PPP1R13B: variants seen among roughly 807,000 people sequenced by gnomAD.
PPP1R13B encodes protein phosphatase 1 regulatory subunit 13B.
Under a neutral mutation model 119.8 loss-of-function variants are expected in PPP1R13B, and 44 were observed. The observed-to-expected ratio is 0.37, with a 90% CI of 0.29 to 0.47. The LOEUF is 0.47. Among genes scored for constraint, PPP1R13B ranks in the 20% least tolerant of loss-of-function variants. The pLI, the probability that PPP1R13B is intolerant of heterozygous loss-of-function variation, is 0.99. For synonymous variants in PPP1R13B, 542 were observed against 561.5 expected (o/e 0.97, Z 0.49); for missense variants, 1,227 against 1,413.5 (o/e 0.87, Z 2.12).
At chr14:103,741,679 G>A (rs2151965984) in intron 11 of PPP1R13B, 111 bp downstream of exon 11, 1 of 1,341,776 alleles carries the variant, frequency 7.5e-7, no homozygotes, top group Non-Finnish European at 1.0e-6. Flanking sequence ...TAAGAATTAA[G>A]TTTAATCCTA....
intron 1 of PPP1R13B, among the ~76,000 whole-genome samples, chr14:103,836,713 T>C (rs1386627465): frequency 6.8e-6 from 1 of 147,430 alleles, no homozygotes; most frequent in Non-Finnish European, 1.5e-5. Context: ...GAGGTTGCAG[T>C]GAGCCAAGAT....
chr14:103,753,791 G>C (rs2084607713), intron 6 of PPP1R13B, among the ~76,000 whole-genome samples: 1 of 152,024 alleles, frequency 6.6e-6, no homozygotes, highest in Non-Finnish European at 1.5e-5. Flanking sequence ...TGTCATTCAG[G>C]CTGGGGAGCA....
At chr14:103,739,593 G>C (rs765602409) in intron 12 of PPP1R13B, among the ~76,000 whole-genome samples, 40 of 152,212 alleles carry the variant, frequency 2.6e-4, no homozygotes, top group Non-Finnish European at 5.4e-4. Flanking sequence ...CTGACCAGCT[G>C]TCTGGGAAAG....
At chr14:103,749,104 G>T (rs904645560) in intron 8 of PPP1R13B, among the ~76,000 whole-genome samples, 1 of 152,164 alleles carries the variant, frequency 6.6e-6, no homozygotes, top group African/African-American at 2.4e-5. Context: ...GATTGTGGAC[G>T]CTGGCAAGTC....
chr14:103,761,099 C>G (rs950979979), intron 4 of PPP1R13B, among the ~76,000 whole-genome samples: 1 of 151,788 alleles, frequency 6.6e-6, no homozygotes, highest in African/African-American at 2.4e-5. Flanking sequence ...CACGGTGAAA[C>G]CTCATCACTA....
chr14:103,805,889 G>A (rs2086005889), intron 1 of PPP1R13B, among the ~76,000 whole-genome samples: 1 of 152,140 alleles, frequency 6.6e-6, no homozygotes, highest in Non-Finnish European at 1.5e-5. Flanking sequence ...AGGAGTGATG[G>A]CAAATAGGCA....
At chr14:103,791,718 T>A (rs2085626103) in intron 2 of PPP1R13B, among the ~76,000 whole-genome samples, 1 of 152,184 alleles carries the variant, frequency 6.6e-6, no homozygotes, top group African/African-American at 2.4e-5. Flanking sequence ...CAAGACTCCA[T>A]CTCAAAACAA....
rs1212221552 is a variant in PPP1R13B, at chr14:103,737,391, A to G, written c.3031+303T>C. ...ACCACCCTGGGCAACATGGCGAAAC[A>G]CTGTCTCTACAAAAAAAAAAAAAAA... On this transcript the variant is annotated intron_variant, in intron 15 of 16. Transcript: ENST00000202556. The G allele has an allele frequency of 2.7e-5, 7 of 256,926 alleles. No homozygotes were observed. The East Asian group carries it at 6.5e-4, about 24-fold the overall frequency. The allele number at this position is 256,926 out of a possible 1,614,324, so 15.9% of individuals were successfully genotyped here. A position where few individuals can be genotyped will look rare whatever the true frequency, so the allele number is the denominator to read the frequency against.
intron 1 of PPP1R13B, among the ~76,000 whole-genome samples, chr14:103,801,417 A>G (rs1265200300): frequency 1.3e-5 from 2 of 151,932 alleles, no homozygotes; most frequent in Non-Finnish European, 2.9e-5. Context: ...CAAGCACTAA[A>G]CCTCCCTCCA....
At chr14:103,836,340 C>G (rs2086777584) in intron 1 of PPP1R13B, among the ~76,000 whole-genome samples, 1 of 152,078 alleles carries the variant, frequency 6.6e-6, no homozygotes, top group Non-Finnish European at 1.5e-5. Flanking sequence ...ACCACCATGC[C>G]CAGCCCCTAA....
chr14:103,792,190 GTGTGTGTGTGTA>G lies in PPP1R13B; in HGVS notation c.157+5169_157+5180del, dbSNP rs983861422. ...TCATCGTGTGTGTGTGTGTGTGTGT[GTGTGTGTGTGTA>G]TATTTTTTTAAAGACAGGGTCGCAC... On this transcript the variant is annotated intron_variant, in intron 2 of 16. Transcript: ENST00000202556. Among the ~76,000 whole-genome samples the G allele has an allele frequency of 4.7e-4, 65 of 138,350 alleles. No individual in the cohort carries two copies. In the East Asian group the frequency reaches 5.1e-3, roughly 11 times the overall value. 90.8% of individuals were successfully genotyped at this position (138,350 alleles called of 152,430 possible).
At chr14:103,831,138 T>C (rs1354894647) in intron 1 of PPP1R13B, among the ~76,000 whole-genome samples, 1 of 151,734 alleles carries the variant, frequency 6.6e-6, no homozygotes, top group Non-Finnish European at 1.5e-5. Flanking sequence ...AGAGATGGGG[T>C]TTCACCACAT....
intron 4 of PPP1R13B, among the ~76,000 whole-genome samples, chr14:103,776,186 GAGGA>G (rs1307197386): frequency 0.086 from 6,522 of 75,910 alleles, 395 homozygotes; most frequent in Middle Eastern, 0.13. Flanking sequence ...GGGAGGGAGG[GAGGA>G]AGGAAGGAAG....
intron 2 of PPP1R13B, among the ~76,000 whole-genome samples, chr14:103,786,943 G>A (rs1202214593): frequency 2.9e-4 from 44 of 150,526 alleles, no homozygotes; most frequent in African/African-American, 1.0e-3. Context: ...CCCGACCTCA[G>A]GTGATCCACC....
At chr14:103,844,603 C>T (rs1340272237) in intron 1 of PPP1R13B, among the ~76,000 whole-genome samples, 1 of 151,590 alleles carries the variant, frequency 6.6e-6, no homozygotes, top group African/African-American at 2.4e-5. Context: ...ATGGAGGGTG[C>T]CTGTAATCCC....
chr14:103,781,614 T>G (rs1273652715), intron 3 of PPP1R13B, among the ~76,000 whole-genome samples: 2 of 152,194 alleles, frequency 1.3e-5, no homozygotes, highest in East Asian at 3.8e-4. Context: ...CCATAATCAC[T>G]GTTAATTAAC....
At chr14:103,749,377 A>T (rs556285091) in intron 8 of PPP1R13B, among the ~76,000 whole-genome samples, 7 of 152,326 alleles carry the variant, frequency 4.6e-5, no homozygotes, top group South Asian at 2.1e-4. Context: ...TCCTTACAAC[A>T]ACTCACGGGG....
intron 1 of PPP1R13B, chr14:103,846,673 G>A: frequency 2.2e-6 from 1 of 451,696 alleles, no homozygotes; most frequent in African/African-American, 2.0e-5. Context: ...TGTCTTTCTA[G>A]GCGAAAGCAT....
intron 1 of PPP1R13B, among the ~76,000 whole-genome samples, chr14:103,813,790 T>C (rs2086214761): frequency 6.6e-6 from 1 of 152,172 alleles, no homozygotes; most frequent in Admixed American, 6.5e-5. Flanking sequence ...AGTCACCTTG[T>C]AAAAGGTATT....
Sources: allele counts gnomAD v4.1 joint callset (sites outside exome capture counted in the v4.1 genomes callset), GRCh38; gene constraint gnomAD v4.1.1; transcripts MANE v1.5; gene names NCBI Gene and HGNC (gene_info 2026-07-23, HGNC 2026-07-21).